SYNJ1: variants seen among roughly 807,000 people sequenced by gnomAD.
SYNJ1 encodes the protein synaptojanin 1, also known as polyphosphatidylinositol phosphatase SYNJ1.
Under a neutral mutation model 168.2 loss-of-function variants are expected in SYNJ1, and 78 were observed. That is an observed-to-expected ratio of 0.46 (90% CI 0.39 to 0.56). SYNJ1 has a LOEUF of 0.56. Among genes scored for constraint, SYNJ1 ranks in the 20% least tolerant of loss-of-function variants. The pLI is 0.00. For missense variants in SYNJ1, 1,303 were observed against 1,597.6 expected, an observed-to-expected ratio of 0.82 and a Z score of 3.14; for synonymous variants, 539 against 548.6, an observed-to-expected ratio of 0.98 and a Z score of 0.24.
chr21:32,640,564 G>A (rs2039790215), intron 29 of SYNJ1, among the ~76,000 whole-genome samples: 1 of 152,094 alleles, frequency 6.6e-6, no homozygotes, highest in Admixed American at 6.5e-5. Context: ...CAAAGTGCTG[G>A]GACCACAGGC....
rs2041411818 is a variant in SYNJ1, at chr21:32,676,418, T to A, written c.1511-63A>T. On this transcript the variant is annotated intron_variant, in intron 12 of 32. Transcript: ENST00000674351. ...TAAAAACAAGTTACAATTAAAATGT[T>A]GAGTATAGTGACAAAACATTTTGAG... 13 of 1,503,758 alleles carry A rather than the reference T, an allele frequency of 8.6e-6. No individual in the cohort carries two copies. The South Asian group carries it at 1.6e-4, about 18-fold the overall frequency. 93.2% of individuals were successfully genotyped at this position (1,503,758 alleles called of 1,614,324 possible).
chr21:32,699,562 C>T (rs955461682), intron 4 of SYNJ1, among the ~76,000 whole-genome samples: 3 of 152,122 alleles, frequency 2.0e-5, no homozygotes, highest in Admixed American at 1.3e-4. Flanking sequence ...AGAGGAGTTC[C>T]GGGGCATTCT....
intron 6 of SYNJ1, 25 bp from the exon 7 acceptor site, chr21:32,688,392 T>C (rs2041905693): frequency 1.2e-6 from 2 of 1,604,980 alleles, no homozygotes; most frequent in Admixed American, 3.4e-5. Context: ...ATATATTTAA[T>C]CAAACCAAAA....
At position 32,639,737 on chromosome 21, in the gene SYNJ1, G is replaced by A; in HGVS notation, c.3631C>T (p.His1211Tyr). The A allele has an allele frequency of 6.2e-7, 1 of 1,614,132 alleles. No homozygotes were observed. Among genetic ancestry groups the A allele is most frequent in the Non-Finnish European group, 8.5e-7 (1 of 1,180,032 alleles). The stretch of plus-strand genomic sequence containing the variant: ...AGTCTTCCAGCAGATGCCCGCGCGT[G>A]GCTCTGTGGGGCACTGATAACTCCA... ...RAGVISAPQSHARASAGRLTP... is the reference protein window; with the variant it reads ...RAGVISAPQSYARASAGRLTP... Residue 1211 changes from histidine (H) to tyrosine (Y), a missense_variant, in exon 30 of 33, where the codon CAC becomes TAC. This residue lies in a region of SYNJ1 where 383 missense variants were observed against 388.8 expected (regional missense o/e 0.99). Transcript: ENST00000674351.
At chr21:32,679,882 T>C (rs1718955880) in intron 11 of SYNJ1, among the ~76,000 whole-genome samples, 2 of 152,050 alleles carry the variant, frequency 1.3e-5, no homozygotes, top group African/African-American at 4.8e-5. Flanking sequence ...GCAGTTCAGA[T>C]GTTAGATTTT....
At chr21:32,695,626 T>TA (rs566131662) in intron 4 of SYNJ1, among the ~76,000 whole-genome samples, 24 of 149,960 alleles carry the variant, frequency 1.6e-4, no homozygotes, top group Middle Eastern at 3.5e-3. Context: ...CTCTACTTTT[T>TA]AAAAAAATAT....
At chr21:32,636,199 T>C (rs1051885174) in intron 31 of SYNJ1, among the ~76,000 whole-genome samples, 1 of 152,198 alleles carries the variant, frequency 6.6e-6, no homozygotes, top group Non-Finnish European at 1.5e-5. Flanking sequence ...AGTAACAGTA[T>C]AGCAGTGAGT....
intron 10 of SYNJ1, among the ~76,000 whole-genome samples, chr21:32,682,636 T>A (rs2041668780): frequency 6.6e-6 from 1 of 152,156 alleles, no homozygotes; most frequent in Non-Finnish European, 1.5e-5. Flanking sequence ...CTTATTCCTC[T>A]ACTAGTTTGG....
chr21:32,657,145 C>T (rs762216316), intron 19 of SYNJ1, 25 bp from the exon 20 acceptor site: 1 of 1,468,008 alleles, frequency 6.8e-7, no homozygotes, highest in Non-Finnish European at 9.5e-7. Flanking sequence ...AATGAAAACA[C>T]AAGAGAAGCT....
rs901810103 is a variant in SYNJ1, at chr21:32,703,737, A to AT, written c.125-1691dup. 3.4e-3 allele frequency among the ~76,000 whole-genome samples: 496 copies of AT among 146,824 alleles called. 1 individual carries two copies. Among genetic ancestry groups the AT allele is most frequent in the Middle Eastern group, 7.0e-3 (2 of 284 alleles). On this transcript the variant is annotated intron_variant, in intron 2 of 32. Transcript: ENST00000674351. ...AAAATATAGTTTTATTTTTATTTTT[A>AT]TTTTTTTTTTTTGAGACAGAGGCTG...
chr21:32,684,271 G>C, intron 9 of SYNJ1, 152 bp from the exon 10 acceptor site: 1 of 665,456 alleles, frequency 1.5e-6, no homozygotes, highest in Non-Finnish European at 2.6e-6. Flanking sequence ...ATTATACTGT[G>C]AACATCCATA....
At chr21:32,660,221 G>A (rs1192696909) in intron 18 of SYNJ1, among the ~76,000 whole-genome samples, 1 of 152,216 alleles carries the variant, frequency 6.6e-6, no homozygotes, top group African/African-American at 2.4e-5. Flanking sequence ...CCATGTCTAA[G>A]GGCCCTGGCA....
intron 2 of SYNJ1, among the ~76,000 whole-genome samples, chr21:32,722,082 G>C (rs1256260214): frequency 1.3e-5 from 2 of 151,798 alleles, no homozygotes; most frequent in Admixed American, 6.6e-5. Context: ...CTACTTGGGA[G>C]GCTGATGCGG....
chr21:32,672,398 G>C (rs2041240857), intron 14 of SYNJ1, among the ~76,000 whole-genome samples: 1 of 151,086 alleles, frequency 6.6e-6, no homozygotes, highest in Non-Finnish European at 1.5e-5. Context: ...TGGATGCAGT[G>C]GTGGGATCTC....
In SYNJ1 at chr21:32,727,941, C is replaced by G; in HGVS notation, c.-23+5G>C. 1 of 1,532,944 alleles carries G rather than the reference C, an allele frequency of 6.5e-7. No individual in the cohort carries two copies. Among genetic ancestry groups the G allele is most frequent in the Non-Finnish European group, 8.7e-7 (1 of 1,145,800 alleles). 95.0% of individuals were successfully genotyped at this position (1,532,944 alleles called of 1,614,324 possible). A position where few individuals can be genotyped will look rare whatever the true frequency, so the allele number is the denominator to read the frequency against. Reference sequence around the variant, plus strand: ...CAGCTCCCCGCCCCCCGCCGGCTTGCTCACCTCTTCCTCCGGCTCCTCCTC... The same window carrying G: ...CAGCTCCCCGCCCCCCGCCGGCTTGGTCACCTCTTCCTCCGGCTCCTCCTC... On this transcript the variant is annotated splice_donor_5th_base_variant and intron_variant, in intron 1 of 32. Transcript: ENST00000674351.
At position 32,727,080 on chromosome 21, in the gene SYNJ1, C is replaced by A. The variant is rs1464761383; in HGVS notation, c.-22-163G>T. 3.3e-6 allele frequency: 3 copies of A among 914,214 alleles called. No homozygotes were observed. In the Admixed American group the frequency reaches 9.0e-5, roughly 28 times the overall value. The allele number at this position is 914,214 out of a possible 1,614,324, so 56.6% of individuals were successfully genotyped here. On this transcript the variant is annotated intron_variant, in intron 1 of 32. Transcript: ENST00000674351. The stretch of plus-strand genomic sequence containing the variant: ...AAATGGCTTTTTCCAAAAGATAAGT[C>A]GTCACTTAATTTTACCAAAAAGCAA...
At chr21:32,709,437 A>ACCG (rs1350872399) in intron 2 of SYNJ1, among the ~76,000 whole-genome samples, 2 of 124,168 alleles carry the variant, frequency 1.6e-5, no homozygotes, top group Non-Finnish European at 3.2e-5. Flanking sequence ...AGATCACACC[A>ACCG]CCGCCTTTCC....
intron 18 of SYNJ1, among the ~76,000 whole-genome samples, chr21:32,662,025 C>A (rs965718504): frequency 6.6e-6 from 1 of 152,120 alleles, no homozygotes; most frequent in African/African-American, 2.4e-5. Flanking sequence ...TGGAAAAGAC[C>A]TCACACCATC....
chr21:32,704,068 T>G (rs1002163998), intron 2 of SYNJ1, among the ~76,000 whole-genome samples: 7 of 152,186 alleles, frequency 4.6e-5, no homozygotes, highest in African/African-American at 1.7e-4. Context: ...AGTCATTCTA[T>G]AACTTAAATT....
Sources: gnomAD v4.1 joint callset for allele counts (sites outside exome capture counted in the v4.1 genomes callset) on GRCh38, gnomAD v4.1.1 for gene constraint, gnomAD v4.1.1 regional missense constraint, MANE v1.5 for transcripts, NCBI Gene and HGNC (gene_info 2026-07-23, HGNC 2026-07-21) for gene names.